The following AP1B1 variants were observed in gnomAD, a reference collection of about 807,000 sequenced individuals.
AP1B1 encodes the protein AP-1 complex subunit beta-1.
AP1B1 carries 36 observed loss-of-function variants against 104.3 expected under a neutral mutation model. That is an observed-to-expected ratio of 0.35 (90% CI 0.26 to 0.46). The LOEUF is 0.46. Among genes scored for constraint, AP1B1 ranks in the 20% least tolerant of loss-of-function variants. The pLI, the probability that AP1B1 is intolerant of heterozygous loss-of-function variation, is 1.00. For synonymous variants in AP1B1, 504 were observed against 517.5 expected, an observed-to-expected ratio of 0.97 and a Z score of 0.35; for missense variants, 901 against 1,247.9, an observed-to-expected ratio of 0.72 and a Z score of 4.19.
intron 16 of AP1B1, among the ~76,000 whole-genome samples, chr22:29,338,195 G>T (rs570020387): frequency 1.3e-5 from 2 of 152,360 alleles, no homozygotes; most frequent in East Asian, 3.9e-4. Context: ...CATCCTTCCA[G>T]TATTTTCTGC....
chr22:29,329,269 G>A lies in AP1B1; in HGVS notation c.2776-374C>T, dbSNP rs560800977. 1.7e-4 allele frequency: 200 copies of A among 1,153,744 alleles called. 2 individuals carry two copies. The South Asian group carries it at 4.1e-3, about 24-fold the overall frequency. The allele number at this position is 1,153,744 out of a possible 1,614,324, so 71.5% of individuals were successfully genotyped here. On this transcript the variant is annotated intron_variant, in intron 22 of 22. Coordinates refer to ENST00000357586, the MANE Select transcript of AP1B1 (RefSeq NM_001127.4). ...GGACTGAAGCCTGACAGAAAATCCC[G>A]AGGGGGTGCGGAGGGCTGGGAGGGA...
chr22:29,388,467 T>A lies in AP1B1; in HGVS notation c.-71A>T, dbSNP rs1039669516. The A allele has an allele frequency of 5.2e-5, 8 of 152,390 alleles. No homozygotes were observed. Among genetic ancestry groups the A allele is most frequent in the Non-Finnish European group, 1.2e-4 (8 of 68,090 alleles). 9.4% of individuals were successfully genotyped at this position (152,390 alleles called of 1,614,324 possible). On this transcript the variant is annotated 5_prime_UTR_variant, in exon 1 of 23. Transcript: ENST00000357586. ...CCCGGCGCCCCGGCTCGGTTCGGCTTGGCACCAAAATGTCCGCGGCCTCCA... is the reference window on the plus strand; with the variant it reads ...CCCGGCGCCCCGGCTCGGTTCGGCTAGGCACCAAAATGTCCGCGGCCTCCA...
At chr22:29,378,531 CGAGA>C (rs1462965676) in intron 1 of AP1B1, among the ~76,000 whole-genome samples, 1 of 112,360 alleles carries the variant, frequency 8.9e-6, no homozygotes, top group Non-Finnish European at 1.7e-5. Context: ...CCAGCCTGGG[CGAGA>C]GAAAGAAACT....
intron 1 of AP1B1, among the ~76,000 whole-genome samples, chr22:29,372,903 A>G (rs992947498): frequency 6.6e-6 from 1 of 152,234 alleles, no homozygotes; most frequent in Non-Finnish European, 1.5e-5. Flanking sequence ...ATTTTTCTCC[A>G]ATGTCTCAAA....
chr22:29,334,205 C>G, intron 17 of AP1B1, 60 bp downstream of exon 17: 1 of 1,506,064 alleles, frequency 6.6e-7, no homozygotes, highest in Non-Finnish European at 8.9e-7. Flanking sequence ...GAACAGACTC[C>G]GAGTGGGTTC....
intron 11 of AP1B1, 131 bp from the exon 12 acceptor site, chr22:29,342,514 G>A: frequency 1.4e-6 from 1 of 715,946 alleles, no homozygotes; most frequent in Non-Finnish European, 2.3e-6. Flanking sequence ...TAGGTTTGGG[G>A]CTGTCACGGC....
At chr22:29,370,296 AC>A (rs1187512406) in intron 1 of AP1B1, among the ~76,000 whole-genome samples, 1 of 151,946 alleles carries the variant, frequency 6.6e-6, no homozygotes, top group African/African-American at 2.4e-5. Flanking sequence ...CTACTAAAAT[AC>A]AAAAAATTAG....
intron 3 of AP1B1, among the ~76,000 whole-genome samples, chr22:29,360,908 A>G (rs904169091): frequency 7.2e-5 from 11 of 152,212 alleles, no homozygotes; most frequent in Admixed American, 7.2e-4. Context: ...TTAGGAGGTC[A>G]AAGTGAACTT....
At chr22:29,348,227 A>C (rs892056811) in intron 11 of AP1B1, among the ~76,000 whole-genome samples, 28 of 152,388 alleles carry the variant, frequency 1.8e-4, no homozygotes, top group African/African-American at 6.7e-4. Flanking sequence ...TACGTGCAGA[A>C]CCGTGAAAGC....
intron 12 of AP1B1, 44 bp from the exon 13 acceptor site, chr22:29,341,804 G>C: frequency 6.4e-7 from 1 of 1,570,064 alleles, no homozygotes; most frequent in Non-Finnish European, 8.7e-7. Flanking sequence ...GAGTAGCCAG[G>C]TGAGAAGGGA....
At chr22:29,334,102 G>C (rs1263995896) in intron 17 of AP1B1, among the ~76,000 whole-genome samples, 163 bp downstream of exon 17, 2 of 152,186 alleles carry the variant, frequency 1.3e-5, no homozygotes, top group Non-Finnish European at 2.9e-5. Context: ...CAGTGCTTCA[G>C]AGAGTTTTGG....
chr22:29,332,716 C>T (rs960212774), intron 17 of AP1B1, among the ~76,000 whole-genome samples: 1 of 152,194 alleles, frequency 6.6e-6, no homozygotes, highest in African/African-American at 2.4e-5. Context: ...TGCTGAGAAT[C>T]AGAGTTTGGG....
rs151222647 is a variant in AP1B1 at position 29,380,962 on chromosome 22, C to T, written c.-28+7462G>A. ...AGAGATGCATGCCCCTCCTCTCTCA[C>T]GCATGCACCCTGCTGGCCATTACCC... On this transcript the variant is annotated intron_variant, in intron 1 of 22. Coordinates refer to ENST00000357586, the MANE Select transcript of AP1B1 (RefSeq NM_001127.4). Among the ~76,000 whole-genome samples the T allele has an allele frequency of 4.5e-4, 68 of 152,306 alleles. 1 individual carries two copies. Among genetic ancestry groups the T allele is most frequent in the Admixed American group, 1.1e-3 (17 of 15,300 alleles).
In AP1B1 at chr22:29,328,931, C is replaced by T; in HGVS notation, c.2776-36G>A. On this transcript the variant is annotated intron_variant, in intron 22 of 22. Transcript: ENST00000357586. The surrounding 1 kb of genome is among the most constrained non-coding windows in gnomAD (Gnocchi z 4.1). ...GAGAGGGGTCGGGGGAAAGAGCGCTCATCCCTGGGGTTCCTCTCAGGAAGG... is the reference window on the plus strand; with the variant it reads ...GAGAGGGGTCGGGGGAAAGAGCGCTTATCCCTGGGGTTCCTCTCAGGAAGG... 2.5e-6 allele frequency: 4 copies of T among 1,590,938 alleles called. No homozygotes were observed. In the South Asian group the frequency reaches 3.4e-5, roughly 14 times the overall value.
intron 11 of AP1B1, among the ~76,000 whole-genome samples, chr22:29,344,883 A>G (rs1303496384): frequency 6.6e-6 from 1 of 152,080 alleles, no homozygotes; most frequent in African/African-American, 2.4e-5. Context: ...AAGATTCAAC[A>G]AGACAATATA....
At position 29,370,699 on chromosome 22, in the gene AP1B1, CCTTT is replaced by C. The variant is rs2062220814; in HGVS notation, c.-27-3433_-27-3430del. The C allele has an allele frequency of 7.2e-5, 11 of 151,968 alleles. 2 individuals carry two copies. Among genetic ancestry groups the C allele is most frequent in the African/African-American group, 2.4e-4 (10 of 41,440 alleles). 9.4% of individuals were successfully genotyped at this position (151,968 alleles called of 1,614,324 possible). A position where few individuals can be genotyped will look rare whatever the true frequency, so the allele number is the denominator to read the frequency against. ...CCAAGAGGAGAAACGGGTGAGAAAG[CCTTT>C]CTTTCTGGGGATTTAAAAAAAAAGT... On this transcript the variant is annotated intron_variant, in intron 1 of 22. Transcript: ENST00000357586.
At chr22:29,347,530 G>C (rs1215489381) in intron 11 of AP1B1, among the ~76,000 whole-genome samples, 1 of 152,146 alleles carries the variant, frequency 6.6e-6, no homozygotes, top group Admixed American at 6.5e-5. Flanking sequence ...CCCACACTTG[G>C]ACCCACGGGA....
chr22:29,384,424 C>T (rs1321053268), intron 1 of AP1B1, among the ~76,000 whole-genome samples: 3 of 152,158 alleles, frequency 2.0e-5, no homozygotes, highest in Non-Finnish European at 4.4e-5. Context: ...CTAGAAAGTG[C>T]TTTGAACCCC....
intron 1 of AP1B1, among the ~76,000 whole-genome samples, chr22:29,380,445 A>G (rs985496454): frequency 5.9e-5 from 9 of 152,108 alleles, no homozygotes; most frequent in African/African-American, 2.2e-4. Flanking sequence ...TGTAACTGAC[A>G]TCTCCACATT....
Sources: allele counts gnomAD v4.1 joint callset (sites outside exome capture counted in the v4.1 genomes callset), GRCh38; gene constraint gnomAD v4.1.1; non-coding constraint Gnocchi (gnomAD v3.1); transcripts MANE v1.5; gene names NCBI Gene and HGNC (gene_info 2026-07-23, HGNC 2026-07-21).